Variants in PTPRD observed in about 807,000 individuals in gnomAD.
PTPRD encodes protein tyrosine phosphatase receptor type D, also known as receptor-type tyrosine-protein phosphatase delta.
A neutral mutation model predicts 214.5 loss-of-function variants in PTPRD; 34 were observed. That is an observed-to-expected ratio of 0.16 (90% CI 0.12 to 0.21). The LOEUF (loss-of-function observed/expected upper bound fraction) is 0.21, where lower values mean the gene tolerates loss of function less well. Among genes scored for constraint, PTPRD ranks in the 10% least tolerant of loss-of-function variants. The pLI, the probability that PTPRD is intolerant of heterozygous loss-of-function variation, is 1.00. For synonymous variants in PTPRD, 1,128 were observed against 845.7 expected (o/e 1.33, Z -5.79); for missense variants, 2,545 against 2,398.7 (o/e 1.06, Z -1.27).
intron 2 of PTPRD, among the ~76,000 whole-genome samples, chr9:10,548,548 A>T (rs554173957): frequency 6.6e-5 from 10 of 152,322 alleles, no homozygotes; most frequent in African/African-American, 2.4e-4. Flanking sequence ...TGAAAGACCT[A>T]AAAATACAGC....
intron 9 of PTPRD, among the ~76,000 whole-genome samples, chr9:9,273,893 G>C (rs553931874): frequency 3.3e-5 from 5 of 151,294 alleles, no homozygotes; most frequent in South Asian, 2.1e-4. Flanking sequence ...ACCTTCCAGA[G>C]GTTTGTCAAT....
intron 2 of PTPRD, among the ~76,000 whole-genome samples, chr9:10,486,357 A>G (rs974762513): frequency 6.6e-6 from 1 of 152,048 alleles, no homozygotes; most frequent in Non-Finnish European, 1.5e-5. Context: ...TAATTTTTGT[A>G]TAAGGTATAA....
At chr9:10,592,815 A>T (rs1286468921) in intron 2 of PTPRD, among the ~76,000 whole-genome samples, 1 of 151,954 alleles carries the variant, frequency 6.6e-6, no homozygotes, top group East Asian at 1.9e-4. Context: ...CGCAGGGAGG[A>T]TTGAAAAACG....
chr9:9,308,606 C>T (rs1211598386), intron 9 of PTPRD, among the ~76,000 whole-genome samples: 1 of 152,016 alleles, frequency 6.6e-6, no homozygotes, highest in Non-Finnish European at 1.5e-5. Flanking sequence ...TCTAGGGTTG[C>T]TATTTACTAT....
intron 5 of PTPRD, among the ~76,000 whole-genome samples, chr9:9,879,081 T>G (rs1248206169): frequency 6.6e-6 from 1 of 152,260 alleles, no homozygotes; most frequent in Admixed American, 6.5e-5. Context: ...AATTCTATGT[T>G]GACTATCAAG....
intron 10 of PTPRD, among the ~76,000 whole-genome samples, chr9:9,113,322 T>A (rs907660587): frequency 6.6e-6 from 1 of 152,008 alleles, no homozygotes; most frequent in Non-Finnish European, 1.5e-5. Flanking sequence ...CATCTTTCCA[T>A]CTGATGCTTA....
At chr9:8,674,470 A>C (rs2097359489) in intron 12 of PTPRD, among the ~76,000 whole-genome samples, 1 of 151,106 alleles carries the variant, frequency 6.6e-6, no homozygotes, top group African/African-American at 2.4e-5. Context: ...AAAAAAAAAA[A>C]AAAAAAAAAA....
At chr9:8,674,501 G>C (rs76633455) in intron 12 of PTPRD, among the ~76,000 whole-genome samples, 1,503 of 121,808 alleles carry the variant, frequency 0.012, 27 homozygotes, top group African/African-American at 0.041. Context: ...GTTAATACAA[G>C]CAAAAATAAG....
chr9:9,522,753 G>C (rs998982976), intron 8 of PTPRD, among the ~76,000 whole-genome samples: 3 of 152,212 alleles, frequency 2.0e-5, no homozygotes, highest in Non-Finnish European at 4.4e-5. Flanking sequence ...GAGGTAATCA[G>C]TTGAGAGTTT....
At chr9:8,583,712 G>A (rs1385336189) in intron 14 of PTPRD, among the ~76,000 whole-genome samples, 1 of 152,160 alleles carries the variant, frequency 6.6e-6, no homozygotes, top group Non-Finnish European at 1.5e-5. Context: ...ATGGGAGGTG[G>A]GAGGATGGAA....
At chr9:9,461,200 A>T (rs2093625280) in intron 8 of PTPRD, among the ~76,000 whole-genome samples, 1 of 36,614 alleles carries the variant, frequency 2.7e-5, no homozygotes, top group Non-Finnish European at 6.5e-5. Context: ...GGTTGAGGTT[A>T]AAAAAAAACT....
intron 35 of PTPRD, among the ~76,000 whole-genome samples, chr9:8,430,613 T>G (rs926012570): frequency 8.5e-5 from 13 of 152,200 alleles, no homozygotes; most frequent in African/African-American, 2.9e-4. Context: ...ATCATCAATA[T>G]CTTTTAAAAT....
chr9:9,333,847 T>C (rs2043336459), intron 9 of PTPRD, among the ~76,000 whole-genome samples: 1 of 151,964 alleles, frequency 6.6e-6, no homozygotes. Context: ...AATTCAGATA[T>C]ATTTGCCAAT....
chr9:9,725,135 G>T (rs2098058244), intron 7 of PTPRD, among the ~76,000 whole-genome samples: 1 of 152,084 alleles, frequency 6.6e-6, no homozygotes, highest in East Asian at 1.9e-4. Flanking sequence ...GATATGGTTT[G>T]GTTCTGTGTC....
chr9:8,867,292 A>C (rs1379582005), intron 11 of PTPRD, among the ~76,000 whole-genome samples: 1 of 152,052 alleles, frequency 6.6e-6, no homozygotes, highest in African/African-American at 2.4e-5. Context: ...CTGACTATTA[A>C]GTCTTTGTCC....
intron 4 of PTPRD, among the ~76,000 whole-genome samples, chr9:10,012,044 G>A (rs1441231672): frequency 1.3e-5 from 2 of 151,830 alleles, no homozygotes; most frequent in African/African-American, 2.4e-5. Context: ...GATATTGACA[G>A]GAAACATGTA....
chr9:10,575,324 A>G (rs1016088208), intron 2 of PTPRD, among the ~76,000 whole-genome samples: 13 of 152,092 alleles, frequency 8.5e-5, no homozygotes, highest in African/African-American at 3.1e-4. Flanking sequence ...TTTACCATTC[A>G]TTAAATAACT....
At chr9:9,191,376 T>A (rs1323412052) in intron 9 of PTPRD, among the ~76,000 whole-genome samples, 1 of 151,880 alleles carries the variant, frequency 6.6e-6, no homozygotes, top group Admixed American at 6.6e-5. Context: ...GTCCTTGAAA[T>A]GACCCCAGTC....
At chr9:10,102,721 T>G (rs424265) in intron 3 of PTPRD, among the ~76,000 whole-genome samples, 53,602 of 151,216 alleles carry the variant, frequency 0.35, 10,207 homozygotes, top group East Asian at 0.52. Flanking sequence ...CTCTGATATA[T>G]GTCTTCAGTT....
Sources: gnomAD v4.1 joint callset for allele counts (sites outside exome capture counted in the v4.1 genomes callset) on GRCh38, gnomAD v4.1.1 for gene constraint, MANE v1.5 for transcripts, NCBI Gene and HGNC (gene_info 2026-07-23, HGNC 2026-07-21) for gene names.